The following ATP9A variants were observed in gnomAD, a reference collection of about 807,000 sequenced individuals.
ATP9A encodes probable phospholipid-transporting ATPase IIA.
ATP9A carries 52 observed loss-of-function variants against 144.1 expected under a neutral mutation model. The observed-to-expected ratio is 0.36, with a 90% confidence interval of 0.29 to 0.45. The LOEUF (loss-of-function observed/expected upper bound fraction) is 0.45. ATP9A is among the 20% of genes least tolerant of loss of function. The probability of loss-of-function intolerance (pLI) is 1.00; values close to 1 mark genes in which losing one functional copy is unlikely to be tolerated. For synonymous variants in ATP9A, 582 were observed against 557.4 expected, an observed-to-expected ratio of 1.04 and a Z score of -0.62; for missense variants, 947 against 1,392.7, an observed-to-expected ratio of 0.68 and a Z score of 5.09.
chr20:51,631,674 C>T (rs1426441642), intron 15 of ATP9A, among the ~76,000 whole-genome samples: 1 of 152,130 alleles, frequency 6.6e-6, no homozygotes, highest in Non-Finnish European at 1.5e-5. Context: ...TCATCTTTTC[C>T]CACCGTGGTC....
intron 2 of ATP9A, among the ~76,000 whole-genome samples, chr20:51,728,838 A>G (rs1253125456): frequency 1.3e-5 from 2 of 151,806 alleles, no homozygotes; most frequent in Non-Finnish European, 2.9e-5. Flanking sequence ...ATCACTCAAT[A>G]TCTAACACTA....
intron 1 of ATP9A, among the ~76,000 whole-genome samples, chr20:51,733,377 G>C (rs2122879046): frequency 6.6e-6 from 1 of 151,272 alleles, no homozygotes; most frequent in East Asian, 1.9e-4. Context: ...CATTCCTCAT[G>C]CCTTTTTTTT....
intron 22 of ATP9A, among the ~76,000 whole-genome samples, chr20:51,614,376 C>G (rs1379950502): frequency 6.6e-6 from 1 of 152,164 alleles, no homozygotes; most frequent in Non-Finnish European, 1.5e-5. Context: ...TCTTGGCTTA[C>G]AGCAACTTCT....
chr20:51,674,646 C>T (rs2077469716), intron 10 of ATP9A, among the ~76,000 whole-genome samples: 1 of 152,202 alleles, frequency 6.6e-6, no homozygotes, highest in African/African-American at 2.4e-5. Flanking sequence ...GCTGTGCTGG[C>T]TGGGTCGTGT....
At chr20:51,644,424 C>T (rs1366564804) in intron 14 of ATP9A, among the ~76,000 whole-genome samples, 2 of 151,284 alleles carry the variant, frequency 1.3e-5, no homozygotes, top group Non-Finnish European at 2.9e-5. Context: ...CCACCACACC[C>T]GGCTAATTTT....
At chr20:51,642,947 T>C (rs2077327129) in intron 14 of ATP9A, among the ~76,000 whole-genome samples, 1 of 151,736 alleles carries the variant, frequency 6.6e-6, no homozygotes, top group East Asian at 1.9e-4. Context: ...GGGGTTCCAG[T>C]CCCCGCTCTG....
chr20:51,636,901 C>T (rs1200133565), intron 15 of ATP9A, among the ~76,000 whole-genome samples: 2 of 152,194 alleles, frequency 1.3e-5, no homozygotes, highest in Non-Finnish European at 2.9e-5. Context: ...ACAAGCCTCG[C>T]CAACATGGCA....
chr20:51,729,918 C>T lies in ATP9A; in HGVS notation c.129G>A (p.Leu43=). 6.2e-7 allele frequency: 1 copy of T among 1,604,960 alleles called. No individual in the cohort carries two copies. The highest frequency in any genetic ancestry group is 8.5e-7 in the Non-Finnish European group (1 of 1,177,350). ...TCTGGTCTCTCTTCTCGGGGTGCCC[C>T]AGCCAGACAGTGCGGGGCCTGGCCT... is the stretch of plus-strand genomic sequence containing the variant. ...GGEARPRTVW[L]GHPEKRDQRY... is the part of the protein sequence containing the mutation. Residue 43 remains leucine, a synonymous_variant, in exon 2 of 28, where the codon CTG becomes CTA. Coordinates refer to ENST00000338821, the MANE Select transcript of ATP9A (RefSeq NM_006045.3).
At chr20:51,656,855 TG>T (rs1269115050) in intron 14 of ATP9A, 82 bp downstream of exon 14, 5 of 1,321,718 alleles carry the variant, frequency 3.8e-6, no homozygotes, top group Non-Finnish European at 5.3e-6. Context: ...CCTGACACAT[TG>T]CTTCCTTAGA....
intron 3 of ATP9A, among the ~76,000 whole-genome samples, chr20:51,718,080 T>G (rs1458668245): frequency 6.6e-6 from 1 of 152,150 alleles, no homozygotes; most frequent in East Asian, 1.9e-4. Flanking sequence ...CCCAAGACAT[T>G]GCAGCCAGGG....
chr20:51,635,822 A>AAGGGAGGG (rs1555830945), intron 15 of ATP9A, among the ~76,000 whole-genome samples: 2 of 119,436 alleles, frequency 1.7e-5, no homozygotes, highest in African/African-American at 3.3e-5. Flanking sequence ...GGAAGGAAGG[A>AAGGGAGGG]AGGGAGGGAG....
intron 25 of ATP9A, 39 bp downstream of exon 25, chr20:51,608,479 G>A (rs1315932106): frequency 1.5e-6 from 2 of 1,315,052 alleles, no homozygotes; most frequent in South Asian, 1.2e-5. Context: ...AAAAGCAAAG[G>A]AGGAAAGGAG....
intron 1 of ATP9A, among the ~76,000 whole-genome samples, chr20:51,747,227 A>C (rs878937854): frequency 1.3e-5 from 2 of 152,106 alleles, no homozygotes; most frequent in Admixed American, 1.3e-4. Context: ...CTGGAGGAGA[A>C]ATGGGAATAT....
At chr20:51,748,462 A>G (rs917142614) in intron 1 of ATP9A, among the ~76,000 whole-genome samples, 3 of 152,256 alleles carry the variant, frequency 2.0e-5, no homozygotes, top group African/African-American at 7.2e-5. Context: ...TCTGCAAGAC[A>G]AAGACATTCT....
chr20:51,719,659 G>T (rs2077679477), intron 3 of ATP9A, among the ~76,000 whole-genome samples: 3 of 149,764 alleles, frequency 2.0e-5, no homozygotes, highest in Non-Finnish European at 4.4e-5. Context: ...CTTGAACCCA[G>T]GAGGCAGAGG....
intron 22 of ATP9A, 119 bp from the exon 23 acceptor site, chr20:51,613,951 T>G: frequency 8.7e-7 from 1 of 1,149,292 alleles, no homozygotes. Flanking sequence ...AGAAAGAAAT[T>G]CTTTGGTTTC....
chr20:51,697,259 G>T (rs1280786936), intron 5 of ATP9A, among the ~76,000 whole-genome samples, 165 bp downstream of exon 5: 2 of 151,958 alleles, frequency 1.3e-5, no homozygotes, highest in Non-Finnish European at 2.9e-5. Context: ...GTCTGTGTGT[G>T]TGTGTGTCTG....
intron 15 of ATP9A, among the ~76,000 whole-genome samples, chr20:51,635,890 G>A (rs1242110770): frequency 2.5e-5 from 3 of 118,088 alleles, no homozygotes; most frequent in African/African-American, 6.2e-5. Flanking sequence ...GAGGGGAGGG[G>A]AGGGGAGAGG....
intron 14 of ATP9A, among the ~76,000 whole-genome samples, chr20:51,655,884 CATTA>C (rs1409016832): frequency 5.9e-5 from 9 of 151,776 alleles, no homozygotes; most frequent in Admixed American, 4.6e-4. Flanking sequence ...TCCAAATGTG[CATTA>C]ATTGATGAAT....
Sources: allele counts gnomAD v4.1 joint callset (sites outside exome capture counted in the v4.1 genomes callset), GRCh38; gene constraint gnomAD v4.1.1; transcripts MANE v1.5; gene names NCBI Gene and HGNC (gene_info 2026-07-23, HGNC 2026-07-21).